Variants in PTGER3 observed in about 807,000 individuals in gnomAD.
PTGER3 encodes the protein prostaglandin E2 receptor EP3 subtype.
In PTGER3, 22 loss-of-function variants were observed where a neutral mutation model predicts 34.7. The ratio of observed to expected loss-of-function variants is 0.63; its 90% confidence interval spans 0.45 to 0.91. The LOEUF (loss-of-function observed/expected upper bound fraction) is 0.91. Among genes scored for constraint, PTGER3 ranks in the 40% least tolerant of loss-of-function variants. The pLI is 0.00. For synonymous variants in PTGER3, 241 were observed against 230.1 expected, an observed-to-expected ratio of 1.05 and a Z score of -0.43; for missense variants, 468 against 519.4, an observed-to-expected ratio of 0.90 and a Z score of 0.96.
chr1:70,928,036 A>G (rs1035379728), intron 4 of PTGER3, among the ~76,000 whole-genome samples: 7 of 151,796 alleles, frequency 4.6e-5, no homozygotes, highest in Non-Finnish European at 1.0e-4. Context: ...ACTAGGTACT[A>G]TGTAAATAAA....
chr1:70,889,231 C>T lies in PTGER3; in HGVS notation c.*24-36372G>A, dbSNP rs1055056840. On this transcript the variant is annotated intron_variant, in intron 4 of 4. Coordinates refer to the PTGER3 transcript ENST00000370931. Reference sequence around the variant, plus strand: ...GAGATCAAGACCATCCTGGCTAACACGGTGAAACCCCGTCTCTACTAAAAA... The same window carrying T: ...GAGATCAAGACCATCCTGGCTAACATGGTGAAACCCCGTCTCTACTAAAAA... Among the ~76,000 whole-genome samples, 11 of 151,816 alleles carry T rather than the reference C, an allele frequency of 7.2e-5. No homozygotes were observed. The South Asian group carries it at 1.2e-3, about 17-fold the overall frequency.
intron 2 of PTGER3, chr1:71,010,194 A>G (rs1475802042): frequency 2.0e-5 from 20 of 984,726 alleles, no homozygotes; most frequent in Non-Finnish European, 2.3e-5. Context: ...AGTAATGTCC[A>G]CTATCATTTG....
rs150648872 is a variant in PTGER3, at chr1:70,924,428, T to G, written c.*23+29335A>C. On this transcript the variant is annotated intron_variant, in intron 4 of 4. Transcript: ENST00000370931. ...TTGTTTTTAAATGTGTTTCTGTAATTTAGGCTAACCCTGCTTATTCTTGTG... is the reference window on the plus strand; with the variant it reads ...TTGTTTTTAAATGTGTTTCTGTAATGTAGGCTAACCCTGCTTATTCTTGTG... Among the ~76,000 whole-genome samples the G allele has an allele frequency of 1.4e-3, 216 of 152,294 alleles. 1 individual carries two copies. Among genetic ancestry groups the G allele is most frequent in the African/African-American group, 5.0e-3 (208 of 41,564 alleles).
chr1:70,981,791 G>A (rs964381883), intron 2 of PTGER3, among the ~76,000 whole-genome samples: 3 of 151,852 alleles, frequency 2.0e-5, no homozygotes, highest in African/African-American at 4.8e-5. Flanking sequence ...TCCAAGGAAC[G>A]TAAATAACCA....
downstream of PTGER3, among the ~76,000 whole-genome samples, chr1:70,969,073 G>A (rs956992196): frequency 3.3e-5 from 5 of 152,050 alleles, no homozygotes; most frequent in East Asian, 7.8e-4. Flanking sequence ...TGGGAGTGGT[G>A]GTGGGTGCCT....
At chr1:70,865,912 G>T (rs763302014) in intron 4 of PTGER3, 38 of 892,256 alleles carry the variant, frequency 4.3e-5, no homozygotes, top group East Asian at 2.3e-4. Context: ...AAACAAAATT[G>T]CCACACCTTT....
At chr1:71,013,751 T>G (rs1657654278) in intron 1 of PTGER3, among the ~76,000 whole-genome samples, 1 of 151,958 alleles carries the variant, frequency 6.6e-6, no homozygotes. Context: ...ACCTGCTGTT[T>G]CCCAGCTATG....
chr1:70,908,445 G>A (rs560226599), intron 4 of PTGER3, among the ~76,000 whole-genome samples: 1 of 152,136 alleles, frequency 6.6e-6, no homozygotes, highest in Non-Finnish European at 1.5e-5. Flanking sequence ...CCTGGAGCAG[G>A]ATAACTCTGA....
At chr1:70,960,623 A>T (rs1191926464) in intron 2 of PTGER3, among the ~76,000 whole-genome samples, 1 of 152,142 alleles carries the variant, frequency 6.6e-6, no homozygotes, top group African/African-American at 2.4e-5. Context: ...AATGTCTTTA[A>T]GATGAGAGCA....
intron 1 of PTGER3, among the ~76,000 whole-genome samples, chr1:71,042,242 C>T (rs989237937): frequency 6.7e-6 from 1 of 149,064 alleles, no homozygotes; most frequent in Non-Finnish European, 1.5e-5. Flanking sequence ...AACATCATTC[C>T]CATTGATCTA....
At chr1:70,966,073 C>G (rs1054842566), downstream of PTGER3, among the ~76,000 whole-genome samples, 1 of 152,142 alleles carries the variant, frequency 6.6e-6, no homozygotes, top group African/African-American at 2.4e-5. Context: ...TACTAAGGCT[C>G]TGGTGTACTT....
intron 4 of PTGER3, among the ~76,000 whole-genome samples, chr1:70,896,215 G>A (rs962883496): frequency 1.3e-5 from 2 of 152,064 alleles, no homozygotes; most frequent in African/African-American, 4.8e-5. Flanking sequence ...GTCCTAATCC[G>A]TAGTATCTAT....
intron 1 of PTGER3, among the ~76,000 whole-genome samples, chr1:71,013,636 A>G (rs2100863615): frequency 6.6e-6 from 1 of 150,422 alleles, no homozygotes; most frequent in African/African-American, 2.4e-5. Context: ...CGGGAGGTGG[A>G]GGTTGCAGTG....
intron 4 of PTGER3, among the ~76,000 whole-genome samples, chr1:70,924,370 G>A (rs1647848748): frequency 6.6e-6 from 1 of 152,084 alleles, no homozygotes; most frequent in Admixed American, 6.6e-5. Context: ...CAAGAACTAT[G>A]GTATACTTGT....
At chr1:71,031,699 T>G (rs1295396433) in intron 1 of PTGER3, among the ~76,000 whole-genome samples, 1 of 152,198 alleles carries the variant, frequency 6.6e-6, no homozygotes, top group Non-Finnish European at 1.5e-5. Context: ...GGGTCTTGCC[T>G]GTTTTCCAAA....
intron 1 of PTGER3, among the ~76,000 whole-genome samples, chr1:71,028,350 A>G (rs191900102): frequency 6.6e-6 from 1 of 152,270 alleles, no homozygotes; most frequent in East Asian, 1.9e-4. Flanking sequence ...TGAAGCCAAG[A>G]CTGTACTGCG....
intron 4 of PTGER3, among the ~76,000 whole-genome samples, chr1:70,884,877 T>C (rs1041704754): frequency 6.6e-6 from 1 of 152,196 alleles, no homozygotes; most frequent in African/African-American, 2.4e-5. Context: ...GGTGTCTTTC[T>C]ATGTAAAGGA....
intron 4 of PTGER3, among the ~76,000 whole-genome samples, chr1:70,929,818 A>G (rs1648518548): frequency 6.6e-6 from 1 of 152,236 alleles, no homozygotes; most frequent in Non-Finnish European, 1.5e-5. Flanking sequence ...GAGATAAATG[A>G]GTTAAACGGA....
intron 4 of PTGER3, among the ~76,000 whole-genome samples, chr1:70,914,528 C>A (rs1647131980): frequency 6.6e-6 from 1 of 151,822 alleles, no homozygotes; most frequent in Non-Finnish European, 1.5e-5. Context: ...TTAAAAAATT[C>A]ACATCTCAGA....
Sources: allele counts gnomAD v4.1 joint callset (sites outside exome capture counted in the v4.1 genomes callset), GRCh38; gene constraint gnomAD v4.1.1; transcripts MANE v1.5; gene names NCBI Gene and HGNC (gene_info 2026-07-23, HGNC 2026-07-21).